The following B3GALT1 variants were observed in gnomAD, a reference collection of about 807,000 sequenced individuals.
The protein encoded by B3GALT1 is beta-1,3-galactosyltransferase 1.
In B3GALT1, 10 loss-of-function variants were observed where a neutral mutation model predicts 23.2. The observed-to-expected ratio is 0.43, with a 90% CI of 0.27 to 0.73. The LOEUF is 0.73. Ranked by LOEUF, B3GALT1 falls within the 30% of genes least tolerant of loss-of-function variation. B3GALT1 has a pLI of 0.21. For synonymous variants in B3GALT1, 156 were observed against 141.5 expected (o/e 1.10, Z -0.73); for missense variants, 299 against 405.4 (o/e 0.74, Z 2.25).
At chr2:167,486,066 T>C (rs542972585) in intron 1 of B3GALT1, among the ~76,000 whole-genome samples, 1 of 152,280 alleles carries the variant, frequency 6.6e-6, no homozygotes, top group South Asian at 2.1e-4. Context: ...TGCAAATATT[T>C]ATGAGATTCT....
chr2:167,569,340 C>T (rs898426554), intron 2 of B3GALT1, among the ~76,000 whole-genome samples: 3 of 151,846 alleles, frequency 2.0e-5, no homozygotes, highest in Admixed American at 6.6e-5. Flanking sequence ...CATGAAATAT[C>T]TCTCCATTTA....
intron 3 of B3GALT1, among the ~76,000 whole-genome samples, chr2:167,684,491 C>T (rs1489610958): frequency 6.6e-6 from 1 of 152,150 alleles, no homozygotes; most frequent in Non-Finnish European, 1.5e-5. Context: ...ATCATTATGC[C>T]TTTCTGGTCC....
intron 3 of B3GALT1, among the ~76,000 whole-genome samples, chr2:167,693,436 GA>G (rs1686745766): frequency 6.6e-6 from 1 of 152,074 alleles, no homozygotes; most frequent in Admixed American, 6.6e-5. Context: ...CAACAAGATT[GA>G]ATAGACAAGG....
At chr2:167,798,288 A>T (rs1688577293) in intron 3 of B3GALT1, among the ~76,000 whole-genome samples, 1 of 152,152 alleles carries the variant, frequency 6.6e-6, no homozygotes, top group African/African-American at 2.4e-5. Context: ...CTTTGGTTTA[A>T]TTAAATCCCA....
rs531829271 is a variant in B3GALT1 at position 167,677,030 on chromosome 2, A to G, written c.-352+30064A>G. On this transcript the variant is annotated intron_variant, in intron 3 of 4. Coordinates refer to ENST00000392690, the MANE Select transcript of B3GALT1 (RefSeq NM_020981.4). The stretch of plus-strand genomic sequence containing the variant: ...TGTTTTTTAAGAAAGTCAAATATGT[A>G]TACATAGATAGAGAATAAAATAGTG... 3.8e-3 allele frequency among the ~76,000 whole-genome samples: 586 copies of G among 152,316 alleles called. 6 individuals are homozygous for G. The highest frequency in any genetic ancestry group is 0.013 in the African/African-American group (555 of 41,572).
chr2:167,582,743 C>T (rs1390251845), intron 2 of B3GALT1, among the ~76,000 whole-genome samples: 1 of 152,118 alleles, frequency 6.6e-6, no homozygotes, highest in Non-Finnish European at 1.5e-5. Context: ...AGAAAGGATT[C>T]ATCCAAGCCC....
chr2:167,330,896 G>A (rs1437972203), intron 1 of B3GALT1, among the ~76,000 whole-genome samples: 2 of 151,280 alleles, frequency 1.3e-5, no homozygotes, highest in Non-Finnish European at 2.9e-5. Context: ...GTATCAATTT[G>A]CCTTGCTTTT....
intron 2 of B3GALT1, among the ~76,000 whole-genome samples, chr2:167,591,898 A>G (rs1180678168): frequency 6.6e-6 from 1 of 152,114 alleles, no homozygotes; most frequent in Non-Finnish European, 1.5e-5. Context: ...AGGTGAGATG[A>G]TTGTGCTTGG....
intron 2 of B3GALT1, among the ~76,000 whole-genome samples, chr2:167,640,458 A>G (rs1685630394): frequency 6.6e-6 from 1 of 151,862 alleles, no homozygotes; most frequent in Non-Finnish European, 1.5e-5. Context: ...TACGGCTTTT[A>G]TTTTTAAACT....
chr2:167,748,554 C>G, intron 3 of B3GALT1, among the ~76,000 whole-genome samples: 1 of 152,096 alleles, frequency 6.6e-6, no homozygotes, highest in African/African-American at 2.4e-5. Context: ...GACTTTTGAG[C>G]TGAGGTATCA....
intron 1 of B3GALT1, among the ~76,000 whole-genome samples, chr2:167,303,528 C>T (rs1488392256): frequency 6.6e-6 from 1 of 151,974 alleles, no homozygotes; most frequent in Admixed American, 6.6e-5. Context: ...GAAGACTGTC[C>T]TCATCAGTAT....
chr2:167,350,222 T>C (rs1697287555), intron 1 of B3GALT1, among the ~76,000 whole-genome samples: 1 of 152,194 alleles, frequency 6.6e-6, no homozygotes, highest in African/African-American at 2.4e-5. Flanking sequence ...GGCTTTTTGG[T>C]AAATTTTGTA....
intron 2 of B3GALT1, among the ~76,000 whole-genome samples, chr2:167,641,920 C>T (rs746733471): frequency 1.3e-5 from 2 of 152,198 alleles, no homozygotes; most frequent in Admixed American, 6.5e-5. Flanking sequence ...AGCCAAGTGC[C>T]TTCTCAACAT....
chr2:167,781,626 G>C lies in B3GALT1; in HGVS notation c.-351-37046G>C, dbSNP rs115394577. Among the ~76,000 whole-genome samples the C allele has an allele frequency of 4.9e-3, 753 of 152,304 alleles. 6 individuals carry two copies. Among genetic ancestry groups the C allele is most frequent in the African/African-American group, 0.018 (728 of 41,580 alleles). On this transcript the variant is annotated intron_variant, in intron 3 of 4. Coordinates refer to ENST00000392690, the MANE Select transcript of B3GALT1 (RefSeq NM_020981.4). ...CTCACAGTATTTCCAGATTATTTCT[G>C]AGTGGCTGACCCCCTTTCCCTCTCA...
chr2:167,700,396 C>A (rs556387052), intron 3 of B3GALT1, among the ~76,000 whole-genome samples: 3 of 152,162 alleles, frequency 2.0e-5, no homozygotes, highest in African/African-American at 7.2e-5. Flanking sequence ...TAGAAATAAT[C>A]TAGAGAATCA....
chr2:167,682,325 AT>A (rs1263394627), intron 3 of B3GALT1, among the ~76,000 whole-genome samples: 3 of 152,242 alleles, frequency 2.0e-5, no homozygotes, highest in African/African-American at 7.2e-5. Context: ...TATGAAAATA[AT>A]TCTTCATCCA....
intron 1 of B3GALT1, among the ~76,000 whole-genome samples, chr2:167,465,125 A>C (rs886231687): frequency 6.6e-6 from 1 of 152,242 alleles, no homozygotes; most frequent in Non-Finnish European, 1.5e-5. Flanking sequence ...GAAAGTATTA[A>C]GTTTTAAGCA....
Position 167,349,361 on chromosome 2 carries a change from C to CA in B3GALT1, c.-511+56027_-511+56028insA, listed in dbSNP as rs1697275641. 3.3e-5 allele frequency among the ~76,000 whole-genome samples: 5 copies of CA among 152,244 alleles called. No homozygotes were observed. In the South Asian group the frequency reaches 1.0e-3, roughly 31 times the overall value. On this transcript the variant is annotated intron_variant, in intron 1 of 4. Coordinates refer to ENST00000392690, the MANE Select transcript of B3GALT1 (RefSeq NM_020981.4). ...AATCTGTTGCTGCAGTATTTCAGTG[C>CA]TTGTGTTTCAAGTAACCTTTATTTT...
At chr2:167,629,690 T>C (rs1051464622) in intron 2 of B3GALT1, among the ~76,000 whole-genome samples, 2 of 151,780 alleles carry the variant, frequency 1.3e-5, no homozygotes, top group African/African-American at 2.4e-5. Flanking sequence ...GAACTAGTTA[T>C]GTTATTTCCC....
Sources: gnomAD v4.1 joint callset for allele counts (sites outside exome capture counted in the v4.1 genomes callset) on GRCh38, gnomAD v4.1.1 for gene constraint, MANE v1.5 for transcripts, NCBI Gene and HGNC (gene_info 2026-07-23, HGNC 2026-07-21) for gene names.